Variants in PM20D2 observed in about 807,000 individuals in gnomAD.
PM20D2 encodes the protein xaa-Arg dipeptidase.
A neutral mutation model predicts 42.9 loss-of-function variants in PM20D2; 33 were observed. That is an observed-to-expected ratio of 0.77 (90% CI 0.58 to 1.03). The LOEUF (loss-of-function observed/expected upper bound fraction) is 1.03. Ranked by LOEUF, PM20D2 falls within the 50% of genes least tolerant of loss-of-function variation. The probability of loss-of-function intolerance (pLI) is 0.00; values close to 1 mark genes in which losing one functional copy is unlikely to be tolerated. For missense variants in PM20D2, 548 were observed against 557.0 expected, an observed-to-expected ratio of 0.98 and a Z score of 0.16; for synonymous variants, 250 against 228.2, an observed-to-expected ratio of 1.10 and a Z score of -0.86.
Position 89,149,397 on chromosome 6 carries a change from G to A in PM20D2, c.598G>A (p.Asp200Asn). ...ACAAGAGAATGCTGCTTATCTACCAGATATGGCTGAACATGAGTGAGTAAT... is the reference window on the plus strand; with the variant it reads ...ACAAGAGAATGCTGCTTATCTACCAAATATGGCTGAACATGAGTGAGTAAT... ...PSQENAAYLPDMAEHDVTVKY... is the reference protein window; with the variant it reads ...PSQENAAYLPNMAEHDVTVKY... The change falls in exon 2 of 7, where the codon GAT becomes AAT. Residue 200 changes from aspartate (D) to asparagine (N), a missense_variant. Physicochemically the swap from Asp to Asn is conservative, Grantham distance 23. Transcript: ENST00000275072. The A allele has an allele frequency of 1.2e-6, 2 of 1,613,966 alleles. No homozygotes were observed. The highest frequency in any genetic ancestry group is 8.5e-7 in the Non-Finnish European group (1 of 1,179,930).
the PM20D2 span, among the ~76,000 whole-genome samples, chr6:89,131,046 G>A: frequency 2.0e-5 from 3 of 151,782 alleles, no homozygotes. Flanking sequence ...AGGTCAAGGG[G>A]CTGCATCTGG....
the PM20D2 span, chr6:89,117,711 GGAGGCTCCGCGCAGCTCCCCC>G: frequency 1.8e-6 from 2 of 1,096,110 alleles, no homozygotes; most frequent in Non-Finnish European, 2.4e-6. Flanking sequence ...GGGCCCGCGG[GGAGGCTCCGCGCAGCTCCCCC>G]GAGCCTCCGC....
chr6:89,132,172 G>A, the PM20D2 span, among the ~76,000 whole-genome samples: 32 of 152,296 alleles, frequency 2.1e-4, no homozygotes, highest in African/African-American at 7.5e-4. Flanking sequence ...AAGAAAAAAG[G>A]AGATGATGGT....
chr6:89,101,613 G>A, the PM20D2 span, among the ~76,000 whole-genome samples: 1 of 151,820 alleles, frequency 6.6e-6, no homozygotes, highest in Admixed American at 6.6e-5. Context: ...CAGGAGAATC[G>A]CTTGAATCTG....
At position 89,164,945 on chromosome 6, in the gene PM20D2, AAAG is replaced by A. The variant is rs1248200316; in HGVS notation, c.*2685_*2687del. ...TGTAAAAAAAAAAAAAAAAAAAAGA[AAAG>A]AAAAGACACTGTTGCATGCCCCAGA... On this transcript the variant is annotated 3_prime_UTR_variant, in exon 7 of 7. Transcript: ENST00000275072. 6.6e-6 allele frequency: 1 copy of A among 150,940 alleles called. No homozygotes were observed. Among genetic ancestry groups the A allele is most frequent in the African/African-American group, 2.4e-5 (1 of 40,890 alleles). 9.4% of individuals were successfully genotyped at this position (150,940 alleles called of 1,614,324 possible).
At chr6:89,124,758 C>CG in the PM20D2 span, among the ~76,000 whole-genome samples, 1 of 22,774 alleles carries the variant, frequency 4.4e-5, no homozygotes, top group African/African-American at 1.2e-4. Context: ...TTTTTCAATT[C>CG]GGGGTCTTGC....
At chr6:89,100,138 C>T in the PM20D2 span, among the ~76,000 whole-genome samples, 82 of 152,144 alleles carry the variant, frequency 5.4e-4, no homozygotes, top group Non-Finnish European at 9.3e-4. Flanking sequence ...ACAAATTATC[C>T]TTAAATCACT....
At chr6:89,123,042 A>G in the PM20D2 span, among the ~76,000 whole-genome samples, 2 of 152,234 alleles carry the variant, frequency 1.3e-5, no homozygotes, top group South Asian at 2.1e-4. Context: ...TTTGTGTGAT[A>G]ATAATGTAAC....
At position 89,162,421 on chromosome 6, in the gene PM20D2, A is replaced by G. The variant is rs1771277000; in HGVS notation, c.*158A>G. The G allele has an allele frequency of 1.3e-6, 1 of 747,820 alleles. No individual in the cohort carries two copies. Among genetic ancestry groups the G allele is most frequent in the Non-Finnish European group, 2.0e-6 (1 of 496,370 alleles). The allele number at this position is 747,820 out of a possible 1,614,324, so 46.3% of individuals were successfully genotyped here. A position where few individuals can be genotyped will look rare whatever the true frequency, so the allele number is the denominator to read the frequency against. On this transcript the variant is annotated 3_prime_UTR_variant, in exon 7 of 7. Coordinates refer to ENST00000275072, the MANE Select transcript of PM20D2 (RefSeq NM_001010853.3). ...GTGGAGAAAACATATTAATTACCTC[A>G]TATCTAAAGTGAAAATTTTTGCAAA...
chr6:89,097,154 C>T, the PM20D2 span: 1 of 152,148 alleles, frequency 6.6e-6, no homozygotes, highest in Non-Finnish European at 1.5e-5. Flanking sequence ...AGAAGCAACA[C>T]TGGCTCCTAT....
chr6:89,133,942 T>G, the PM20D2 span, among the ~76,000 whole-genome samples: 1 of 151,358 alleles, frequency 6.6e-6, no homozygotes, highest in Admixed American at 6.5e-5. Context: ...TAAATGCTGC[T>G]AAATCTAATT....
the PM20D2 span, among the ~76,000 whole-genome samples, chr6:89,094,225 A>AT: frequency 9.7e-5 from 14 of 144,370 alleles, no homozygotes; most frequent in South Asian, 2.2e-4. Context: ...CGGCCTCTTT[A>AT]TTTTTTTTTA....
chr6:89,121,427 T>A, the PM20D2 span, among the ~76,000 whole-genome samples: 2 of 152,054 alleles, frequency 1.3e-5, no homozygotes, highest in African/African-American at 4.8e-5. Context: ...CTTAAACCAG[T>A]TGAGATGAGT....
upstream of PM20D2, among the ~76,000 whole-genome samples, chr6:89,141,875 C>G (rs1014703773): frequency 6.6e-6 from 1 of 152,160 alleles, no homozygotes; most frequent in Non-Finnish European, 1.5e-5. Context: ...TGCAATCATG[C>G]TTACTGTAGC....
chr6:89,127,405 C>G, the PM20D2 span, among the ~76,000 whole-genome samples: 5 of 150,828 alleles, frequency 3.3e-5, no homozygotes, highest in African/African-American at 1.2e-4. Context: ...TTTTGGCTCA[C>G]TGCAACCTCT....
At chr6:89,098,354 G>T in the PM20D2 span, 1 of 409,062 alleles carries the variant, frequency 2.4e-6, no homozygotes, top group South Asian at 5.1e-5. Flanking sequence ...ATAAAAAATG[G>T]TCCATAAAAT....
At chr6:89,130,999 G>A in the PM20D2 span, among the ~76,000 whole-genome samples, 1 of 151,570 alleles carries the variant, frequency 6.6e-6, no homozygotes, top group East Asian at 1.9e-4. Flanking sequence ...CACTATGCCT[G>A]GCCTATTTCT....
chr6:89,135,230 C>T, the PM20D2 span, among the ~76,000 whole-genome samples: 1 of 151,362 alleles, frequency 6.6e-6, no homozygotes, highest in Non-Finnish European at 1.5e-5. Context: ...TTTTTGATCA[C>T]CTCTTCATAA....
At chr6:89,133,637 A>G in the PM20D2 span, among the ~76,000 whole-genome samples, 1,276 of 151,314 alleles carry the variant, frequency 8.4e-3, 96 homozygotes, top group African/African-American at 0.03. Flanking sequence ...AAATGTAATA[A>G]GAGATACCCG....
Sources: gnomAD v4.1 joint callset for allele counts (sites outside exome capture counted in the v4.1 genomes callset) on GRCh38, gnomAD v4.1.1 for gene constraint, MANE v1.5 for transcripts, NCBI Gene and HGNC (gene_info 2026-07-23, HGNC 2026-07-21) for gene names.